CNTNAP2: variants seen among roughly 807,000 people sequenced by gnomAD.
CNTNAP2 encodes contactin-associated protein-like 2.
CNTNAP2 carries 98 observed loss-of-function variants against 155.2 expected under a neutral mutation model. The observed-to-expected ratio is 0.63, with a 90% CI of 0.54 to 0.75. The LOEUF (loss-of-function observed/expected upper bound fraction) is 0.75, where lower values mean the gene tolerates loss of function less well. Ranked by LOEUF, CNTNAP2 falls within the 30% of genes least tolerant of loss-of-function variation. The pLI, the probability that CNTNAP2 is intolerant of heterozygous loss-of-function variation, is 0.00. For missense variants in CNTNAP2, 1,727 were observed against 1,688.1 expected (o/e 1.02, Z -0.40); for synonymous variants, 651 against 631.2 (o/e 1.03, Z -0.47).
intron 1 of CNTNAP2, among the ~76,000 whole-genome samples, chr7:146,490,196 T>G (rs1797118038): frequency 1.3e-5 from 2 of 152,238 alleles, no homozygotes; most frequent in East Asian, 3.8e-4. Flanking sequence ...AATCATTTGT[T>G]GTTTTTTTAA....
chr7:146,453,775 C>A (rs1796515837), intron 1 of CNTNAP2, among the ~76,000 whole-genome samples: 1 of 152,110 alleles, frequency 6.6e-6, no homozygotes, highest in Admixed American at 6.6e-5. Context: ...TTATAAAATG[C>A]ATAGGCTGTG....
intron 21 of CNTNAP2, among the ~76,000 whole-genome samples, chr7:148,284,986 C>T (rs1476913019): frequency 2.0e-5 from 3 of 152,162 alleles, no homozygotes; most frequent in African/African-American, 7.2e-5. Context: ...TTCTGTAGCA[C>T]TTTGAAGGAA....
At chr7:148,320,630 C>T (rs1440365743) in intron 21 of CNTNAP2, among the ~76,000 whole-genome samples, 3 of 151,850 alleles carry the variant, frequency 2.0e-5, no homozygotes, top group Non-Finnish European at 2.9e-5. Flanking sequence ...GTGATCCGCC[C>T]GCCTCCGCCT....
At chr7:146,581,734 A>G (rs938331696) in intron 1 of CNTNAP2, among the ~76,000 whole-genome samples, 1 of 152,088 alleles carries the variant, frequency 6.6e-6, no homozygotes, top group Non-Finnish European at 1.5e-5. Flanking sequence ...ATTAGAATGA[A>G]ATTTATGTTT....
At chr7:147,045,953 C>A (rs894257776) in intron 4 of CNTNAP2, among the ~76,000 whole-genome samples, 1 of 151,946 alleles carries the variant, frequency 6.6e-6, no homozygotes, top group East Asian at 1.9e-4. Flanking sequence ...TTAATGAGCA[C>A]TTTTCATGTG....
At chr7:147,865,574 G>A (rs1293410755) in intron 13 of CNTNAP2, among the ~76,000 whole-genome samples, 1 of 152,052 alleles carries the variant, frequency 6.6e-6, no homozygotes, top group East Asian at 1.9e-4. Flanking sequence ...TTTTTGATTG[G>A]TAGGCTATTA....
At position 147,811,337 on chromosome 7, in the gene CNTNAP2, A is replaced by T. The variant is rs190863745; in HGVS notation, c.2099-92228A>T. On this transcript the variant is annotated intron_variant, in intron 13 of 23. Coordinates refer to ENST00000361727, the MANE Select transcript of CNTNAP2 (RefSeq NM_014141.6). ...GGTCTCGAACTCCTGAGCTCAGGCA[A>T]TCCACCCATCTAGGCCTCACAAAGT... is the stretch of plus-strand genomic sequence containing the variant. Among the ~76,000 whole-genome samples, 4 of 152,208 alleles carry T rather than the reference A, an allele frequency of 2.6e-5. No individual in the cohort carries two copies. In the East Asian group the frequency reaches 7.7e-4, roughly 29 times the overall value.
intron 7 of CNTNAP2, among the ~76,000 whole-genome samples, chr7:147,129,238 T>A (rs1157918453): frequency 6.6e-6 from 1 of 152,230 alleles, no homozygotes; most frequent in Non-Finnish European, 1.5e-5. Flanking sequence ...AATCAGGGAC[T>A]TTATTATATT....
chr7:146,485,868 A>C (rs906030651), intron 1 of CNTNAP2, among the ~76,000 whole-genome samples: 1 of 152,170 alleles, frequency 6.6e-6, no homozygotes, highest in African/African-American at 2.4e-5. Context: ...ATAAAAGTTA[A>C]AAAATTAAAA....
chr7:148,018,993 A>T (rs372210301), intron 15 of CNTNAP2, among the ~76,000 whole-genome samples: 1 of 152,160 alleles, frequency 6.6e-6, no homozygotes, highest in African/African-American at 2.4e-5. Flanking sequence ...CACTATGTAA[A>T]ACTGTCAGCA....
At position 147,575,107 on chromosome 7, in the gene CNTNAP2, ATGTGTGTG is replaced by A. The variant is rs754922892; in HGVS notation, c.1897+12888_1897+12895del. Reference sequence around the variant, plus strand: ...CATATTCTCCCGGTCTTTGTGGGAAATGTGTGTGTGTGTGTGTGTGTGTGTGTGTGTGT... The same window carrying A: ...CATATTCTCCCGGTCTTTGTGGGAAATGTGTGTGTGTGTGTGTGTGTGTGT... On this transcript the variant is annotated intron_variant, in intron 12 of 23. Coordinates refer to ENST00000361727, the MANE Select transcript of CNTNAP2 (RefSeq NM_014141.6). Among the ~76,000 whole-genome samples, 290 of 94,096 alleles carry A rather than the reference ATGTGTGTG, an allele frequency of 3.1e-3. 4 individuals carry two copies. The highest frequency in any genetic ancestry group is 6.7e-3 in the Middle Eastern group (1 of 150). The allele number at this position is 94,096 out of a possible 152,430, so 61.7% of individuals were successfully genotyped here. A position where few individuals can be genotyped will look rare whatever the true frequency, so the allele number is the denominator to read the frequency against.
chr7:146,674,400 G>A (rs1800360093), intron 1 of CNTNAP2, among the ~76,000 whole-genome samples: 1 of 151,988 alleles, frequency 6.6e-6, no homozygotes, highest in South Asian at 2.1e-4. Context: ...AAATGGAGGT[G>A]GGCTAATAAG....
intron 1 of CNTNAP2, among the ~76,000 whole-genome samples, chr7:146,240,093 T>C (rs1799535025): frequency 6.6e-6 from 1 of 152,200 alleles, no homozygotes; most frequent in African/African-American, 2.4e-5. Flanking sequence ...GTATAACTTT[T>C]GTTTTATTTC....
intron 12 of CNTNAP2, among the ~76,000 whole-genome samples, chr7:147,597,330 A>G (rs1800842946): frequency 6.6e-6 from 1 of 151,996 alleles, no homozygotes; most frequent in South Asian, 2.1e-4. Flanking sequence ...CTCCCAACCC[A>G]GCCTTATCCT....
At chr7:147,832,599 G>A (rs863760) in intron 13 of CNTNAP2, among the ~76,000 whole-genome samples, 103,927 of 144,712 alleles carry the variant, frequency 0.72, 37,413 homozygotes, top group Middle Eastern at 0.83. Context: ...ATATTTTTAC[G>A]TTTCAATATA....
chr7:147,492,089 C>A (rs1012131015), intron 11 of CNTNAP2, among the ~76,000 whole-genome samples: 1 of 152,122 alleles, frequency 6.6e-6, no homozygotes, highest in East Asian at 1.9e-4. Context: ...GCACCAGGGG[C>A]CAGGTTCATA....
intron 3 of CNTNAP2, among the ~76,000 whole-genome samples, chr7:146,976,293 T>G (rs1318041930): frequency 6.6e-6 from 1 of 152,138 alleles, no homozygotes; most frequent in Non-Finnish European, 1.5e-5. Context: ...AAGCTGACTG[T>G]CCTCCAGCCC....
chr7:146,272,655 AGT>A (rs71941123), intron 1 of CNTNAP2, among the ~76,000 whole-genome samples: 14 of 151,490 alleles, frequency 9.2e-5, no homozygotes, highest in Non-Finnish European at 2.1e-4. Flanking sequence ...TTTGTATATC[AGT>A]GTGTGTGTGT....
chr7:146,139,698 A>C (rs1458221598), intron 1 of CNTNAP2, among the ~76,000 whole-genome samples: 1 of 152,078 alleles, frequency 6.6e-6, no homozygotes, highest in Non-Finnish European at 1.5e-5. Flanking sequence ...AATTTGTTGC[A>C]CAAATGTAAT....
Sources: gnomAD v4.1 joint callset for allele counts (sites outside exome capture counted in the v4.1 genomes callset) on GRCh38, gnomAD v4.1.1 for gene constraint, MANE v1.5 for transcripts, NCBI Gene and HGNC (gene_info 2026-07-23, HGNC 2026-07-21) for gene names.